ESR1: variants seen among roughly 807,000 people sequenced by gnomAD.
ESR1 encodes estrogen receptor 1.
A neutral mutation model predicts 52.7 loss-of-function variants in ESR1; 12 were observed. The ratio of observed to expected loss-of-function variants is 0.23; its 90% CI spans 0.15 to 0.37. The LOEUF (loss-of-function observed/expected upper bound fraction) is 0.37, where lower values mean the gene tolerates loss of function less well. Among genes scored for constraint, ESR1 ranks in the 10% least tolerant of loss-of-function variants. ESR1 has a pLI of 1.00. For synonymous variants in ESR1, 305 were observed against 316.8 expected, an observed-to-expected ratio of 0.96 and a Z score of 0.39; for missense variants, 584 against 779.7, an observed-to-expected ratio of 0.75 and a Z score of 2.99.
At chr6:151,777,299 A>G (rs1248281852) in intron 2 of ESR1, among the ~76,000 whole-genome samples, 1 of 151,674 alleles carries the variant, frequency 6.6e-6, no homozygotes, top group Admixed American at 6.6e-5. Context: ...TTGTATTTTT[A>G]GTAGAGACAC....
chr6:151,935,181 G>A (rs1304417058), intron 3 of ESR1, among the ~76,000 whole-genome samples: 2 of 152,138 alleles, frequency 1.3e-5, no homozygotes, highest in Non-Finnish European at 2.9e-5. Context: ...GGGATATGGC[G>A]AGTGCTCAAT....
At chr6:152,088,803 T>C (rs1343939379) in intron 6 of ESR1, among the ~76,000 whole-genome samples, 1 of 152,166 alleles carries the variant, frequency 6.6e-6, no homozygotes, top group Non-Finnish European at 1.5e-5. Context: ...AGGTATTCTG[T>C]TATAAACAAC....
At chr6:152,054,090 C>T (rs558833589) in intron 5 of ESR1, among the ~76,000 whole-genome samples, 1 of 152,110 alleles carries the variant, frequency 6.6e-6, no homozygotes, top group African/African-American at 2.4e-5. Flanking sequence ...AAAAAAAACT[C>T]ATCAAATTGA....
chr6:151,911,497 T>C lies in ESR1; in HGVS notation c.760+30726T>C, dbSNP rs187490616. Among the ~76,000 whole-genome samples the C allele has an allele frequency of 3.6e-3, 543 of 152,318 alleles. 3 individuals are homozygous for C. Among genetic ancestry groups the C allele is most frequent in the Non-Finnish European group, 5.9e-3 (404 of 68,028 alleles). ...GTTTCTCCCCACGTCTTTCCTATGG[T>C]TCATTTCCCTGCATCTTTACAGCTC... On this transcript the variant is annotated intron_variant, in intron 3 of 7. Coordinates refer to ENST00000206249, the MANE Select transcript of ESR1 (RefSeq NM_000125.4).
At chr6:151,796,036 G>A (rs1460840061) in intron 2 of ESR1, among the ~76,000 whole-genome samples, 1 of 151,592 alleles carries the variant, frequency 6.6e-6, no homozygotes, top group Non-Finnish European at 1.5e-5. Context: ...CATGGTGGCG[G>A]GTGCCTGTAG....
intron 2 of ESR1, among the ~76,000 whole-genome samples, chr6:151,725,142 C>T (rs960427081): frequency 6.6e-6 from 1 of 152,198 alleles, no homozygotes; most frequent in Non-Finnish European, 1.5e-5. Flanking sequence ...AATTCTCCCA[C>T]CTCTGGCCTC....
intron 2 of ESR1, among the ~76,000 whole-genome samples, chr6:151,862,175 T>G (rs1789004229): frequency 6.6e-6 from 1 of 152,202 alleles, no homozygotes; most frequent in Admixed American, 6.6e-5. Context: ...TTGTAATTAA[T>G]CTCACTTTTC....
downstream of ESR1, among the ~76,000 whole-genome samples, chr6:152,104,189 A>C (rs1297016635): frequency 1.3e-5 from 2 of 152,108 alleles, no homozygotes; most frequent in African/African-American, 4.8e-5. Flanking sequence ...CGTTGGACTC[A>C]TTTCTTTATT....
intron 3 of ESR1, among the ~76,000 whole-genome samples, chr6:151,934,951 A>T (rs1047622070): frequency 6.6e-6 from 1 of 152,224 alleles, no homozygotes; most frequent in Non-Finnish European, 1.5e-5. Flanking sequence ...ATATTGATTG[A>T]CAGTGCATGT....
intron 1 of ESR1, among the ~76,000 whole-genome samples, chr6:151,810,749 T>C (rs963195195): frequency 7.9e-5 from 12 of 152,240 alleles, no homozygotes; most frequent in Non-Finnish European, 1.2e-4. Context: ...TTTAATTATA[T>C]GTGCTTCTGT....
intron 3 of ESR1, among the ~76,000 whole-genome samples, chr6:151,916,933 G>A (rs2030371293): frequency 2.6e-5 from 4 of 152,172 alleles, no homozygotes; most frequent in East Asian, 3.9e-4. Context: ...AATATGATGT[G>A]CACCCGCTTG....
At chr6:151,792,729 G>A (rs1256787904) in intron 2 of ESR1, among the ~76,000 whole-genome samples, 10 of 152,120 alleles carry the variant, frequency 6.6e-5, no homozygotes, top group Admixed American at 5.9e-4. Context: ...GTGAGCTACT[G>A]CACTTGGCCT....
At chr6:151,907,060 T>C (rs1217098315) in intron 3 of ESR1, among the ~76,000 whole-genome samples, 1 of 152,040 alleles carries the variant, frequency 6.6e-6, no homozygotes, top group Non-Finnish European at 1.5e-5. Context: ...AGTTGTCCTG[T>C]TGAAGAGAAT....
At chr6:151,872,441 C>G (rs889757766) in intron 2 of ESR1, among the ~76,000 whole-genome samples, 1 of 152,194 alleles carries the variant, frequency 6.6e-6, no homozygotes, top group Non-Finnish European at 1.5e-5. Context: ...CACATCTTCT[C>G]TCTGCCTCAT....
intron 4 of ESR1, among the ~76,000 whole-genome samples, chr6:151,979,225 G>A (rs1015562412): frequency 3.9e-5 from 6 of 152,056 alleles, no homozygotes; most frequent in African/African-American, 1.4e-4. Flanking sequence ...GGCACTAGGG[G>A]TTAGGGTTTC....
rs2152495491 is a variant in ESR1 at position 152,094,355 on chromosome 6, C to G, written c.1370-30C>G. Reference sequence around the variant, plus strand: ...CCTAGACCTCATCCTCTTTGAGCTTCTCTCTCTCACTCTCTCTCTGCGCAT... The same window carrying G: ...CCTAGACCTCATCCTCTTTGAGCTTGTCTCTCTCACTCTCTCTCTGCGCAT... On this transcript the variant is annotated intron_variant, in intron 6 of 7. Transcript: ENST00000206249. The surrounding 1 kb of genome is among the most constrained non-coding windows in gnomAD (Gnocchi z 4.6). 1 of 1,602,086 alleles carries G rather than the reference C, an allele frequency of 6.2e-7. No homozygotes were observed. Among genetic ancestry groups the G allele is most frequent in the Non-Finnish European group, 8.6e-7 (1 of 1,169,186 alleles).
chr6:151,924,008 A>G (rs1370200453), intron 3 of ESR1, among the ~76,000 whole-genome samples: 1 of 152,142 alleles, frequency 6.6e-6, no homozygotes, highest in Non-Finnish European at 1.5e-5. Context: ...AACTATTGTA[A>G]TAGATGTGTA....
Position 151,669,147 on chromosome 6 carries a change from GGAGAGAGA to G in ESR1, n.73+12419_73+12426del, listed in dbSNP as rs541895194. Among the ~76,000 whole-genome samples, 138 of 69,292 alleles carry G rather than the reference GGAGAGAGA, an allele frequency of 2.0e-3. 4 individuals are homozygous for G. The East Asian group carries it at 0.021, about 10-fold the overall frequency. The allele number at this position is 69,292 out of a possible 152,430, so 45.5% of individuals were successfully genotyped here. A position where few individuals can be genotyped will look rare whatever the true frequency, so the allele number is the denominator to read the frequency against. ...GTGGTAGGAAGCTCTTTGGGAGCTG[GGAGAGAGA>G]GAGAGAGAGAGAGAGAGAGAGAGAG... On this transcript the variant is annotated intron_variant and non_coding_transcript_variant, in intron 1 of 2. Coordinates refer to the ESR1 transcript ENST00000473497.
intron 3 of ESR1, among the ~76,000 whole-genome samples, chr6:151,891,961 G>A (rs1794759262): frequency 6.6e-6 from 1 of 152,012 alleles, no homozygotes; most frequent in South Asian, 2.1e-4. Context: ...TAATTTAAAA[G>A]GGGCATTTTT....
Sources: gnomAD v4.1 joint callset for allele counts (sites outside exome capture counted in the v4.1 genomes callset) on GRCh38, gnomAD v4.1.1 for gene constraint, Gnocchi (gnomAD v3.1) non-coding constraint, MANE v1.5 for transcripts, NCBI Gene and HGNC (gene_info 2026-07-23, HGNC 2026-07-21) for gene names.